Variants in DISP1 observed in about 807,000 individuals in gnomAD.
DISP1 encodes the protein dispatched RND transporter family member 1, also known as protein dispatched homolog 1.
A neutral mutation model predicts 37.3 loss-of-function variants in DISP1; 30 were observed. The ratio of observed to expected loss-of-function variants is 0.80; its 90% CI spans 0.60 to 1.09. DISP1 has a LOEUF of 1.09. Among genes scored for constraint, DISP1 ranks in the 50% least tolerant of loss-of-function variants. The pLI is 0.00. For missense variants in DISP1, 1,598 were observed against 1,879.5 expected, an observed-to-expected ratio of 0.85 and a Z score of 2.77; for synonymous variants, 634 against 690.2, an observed-to-expected ratio of 0.92 and a Z score of 1.28.
At chr1:222,949,486 C>T (rs571289322) in intron 3 of DISP1, among the ~76,000 whole-genome samples, 26 of 151,928 alleles carry the variant, frequency 1.7e-4, no homozygotes, top group Non-Finnish European at 3.4e-4. Flanking sequence ...TAGCTTAAAT[C>T]GATTTTATTT....
At chr1:222,920,422 T>C (rs953265350) in intron 1 of DISP1, among the ~76,000 whole-genome samples, 5 of 152,220 alleles carry the variant, frequency 3.3e-5, no homozygotes, top group African/African-American at 1.2e-4. Context: ...GCACAGATTA[T>C]ATATTTAGAT....
intron 3 of DISP1, among the ~76,000 whole-genome samples, chr1:222,953,892 G>T (rs1452940368): frequency 6.6e-6 from 1 of 152,042 alleles, no homozygotes; most frequent in Non-Finnish European, 1.5e-5. Flanking sequence ...AGAATATGAG[G>T]CTTGGTCATC....
chr1:222,905,670 G>A (rs531635080), intron 1 of DISP1, among the ~76,000 whole-genome samples: 15 of 152,164 alleles, frequency 9.9e-5, no homozygotes, highest in Admixed American at 2.6e-4. Context: ...GGACTCTTCT[G>A]TCAAGCTTTA....
At position 223,003,128 on chromosome 1, in the gene DISP1, G is replaced by A. The variant is rs768650561; in HGVS notation, c.1731G>A (p.Leu577=). 1.2e-6 allele frequency: 2 copies of A among 1,614,172 alleles called. No homozygotes were observed. Among genetic ancestry groups the A allele is most frequent in the Non-Finnish European group, 1.7e-6 (2 of 1,180,032 alleles). ...VGIGADDAFV[L]CDVWNYTKFD... ...TTGGAGCAGATGATGCTTTTGTCCTGTGTGATGTTTGGAACTACACAAAAT... is the reference window on the plus strand; with the variant it reads ...TTGGAGCAGATGATGCTTTTGTCCTATGTGATGTTTGGAACTACACAAAAT... Residue 577 remains leucine, a synonymous_variant, in exon 9 of 9, where the codon CTG becomes CTA. Coordinates refer to ENST00000675850, the MANE Select transcript of DISP1 (RefSeq NM_001377229.1). This position sits in a 1 kb window ranked among gnomAD's most constrained non-coding sequence, Gnocchi z 4.3.
At chr1:222,949,045 A>G (rs886324959) in intron 3 of DISP1, among the ~76,000 whole-genome samples, 14 of 152,174 alleles carry the variant, frequency 9.2e-5, no homozygotes, top group African/African-American at 3.1e-4. Context: ...AAGATTCATT[A>G]TATCAACCAT....
Position 223,002,923 on chromosome 1 carries a change from T to C in DISP1, c.1526T>C (p.Ile509Thr). Residue 509 changes from isoleucine (I) to threonine (T), a missense_variant, in exon 9 of 9, where the codon ATA (isoleucine) becomes ACA (threonine). Ile to Thr is a moderately conservative substitution (Grantham distance 89). Transcript: ENST00000675850. The part of the protein sequence containing the change: ...YLLMDTVYPA[I>T]AIVIVLLVMC... ...CTAATGGATACTGTGTATCCTGCCA[T>C]AGCCATTGTGATTGTCCTTTTAGTT... 6.2e-7 allele frequency: 1 copy of C among 1,614,024 alleles called. No individual in the cohort carries two copies. The highest frequency in any genetic ancestry group is 8.5e-7 in the Non-Finnish European group (1 of 1,180,032).
Position 222,943,137 on chromosome 1 carries a change from G to A in DISP1, c.314G>A (p.Gly105Asp). The change falls in exon 3 of 9, where the codon GGC becomes GAC. Residue 105 changes from glycine (G) to aspartate (D), a missense_variant. Gly to Asp is a moderately conservative substitution (Grantham distance 94). Transcript: ENST00000675850. ...SSHQECHPEAGPAAPSALASC... is the reference protein window; with the variant it reads ...SSHQECHPEADPAAPSALASC... ...CACCAAGAGTGCCATCCCGAGGCTG[G>A]CCCTGCAGCACCCTCTGCTTTGGCC... 6.2e-7 allele frequency: 1 copy of A among 1,613,464 alleles called. No individual in the cohort carries two copies.
At chr1:222,855,119 T>A (rs1477157924) in intron 1 of DISP1, among the ~76,000 whole-genome samples, 1 of 152,228 alleles carries the variant, frequency 6.6e-6, no homozygotes, top group Non-Finnish European at 1.5e-5. Context: ...CTTTTGCTTC[T>A]TTGTCATAGA....
At chr1:222,896,429 C>T (rs375638666) in intron 1 of DISP1, among the ~76,000 whole-genome samples, 4 of 151,962 alleles carry the variant, frequency 2.6e-5, no homozygotes, top group Admixed American at 6.6e-5. Context: ...GTTGAAGCCC[C>T]GTCTGTACTA....
intron 3 of DISP1, among the ~76,000 whole-genome samples, chr1:222,967,073 CTCACCATCTTCAAAATG>C (rs879750806): frequency 1.2e-4 from 19 of 152,194 alleles, no homozygotes; most frequent in Admixed American, 9.2e-4. Context: ...GAGTTGCCAC[CTCACCATCTTCAAAATG>C]TCACCATCTT....
At chr1:222,874,106 A>G (rs1002045538) in intron 1 of DISP1, among the ~76,000 whole-genome samples, 1 of 151,960 alleles carries the variant, frequency 6.6e-6, no homozygotes, top group Non-Finnish European at 1.5e-5. Flanking sequence ...TTGGCCCCAG[A>G]CTCTCTTTTG....
intron 1 of DISP1, among the ~76,000 whole-genome samples, chr1:222,925,071 A>G (rs1673008251): frequency 6.6e-6 from 1 of 152,186 alleles, no homozygotes; most frequent in Non-Finnish European, 1.5e-5. Context: ...TGAGAAACAT[A>G]TTGAAGTAAT....
chr1:222,824,484 T>C (rs1236101487), intron 1 of DISP1, among the ~76,000 whole-genome samples: 1 of 152,226 alleles, frequency 6.6e-6, no homozygotes, highest in African/African-American at 2.4e-5. Context: ...AATGATTTGG[T>C]GCTGATACTT....
chr1:222,884,646 A>G (rs1207006311), intron 1 of DISP1, among the ~76,000 whole-genome samples: 3 of 152,172 alleles, frequency 2.0e-5, no homozygotes, highest in South Asian at 4.1e-4. Flanking sequence ...TCAGGGGTAT[A>G]TGGTGTCCGT....
At chr1:222,852,499 G>A (rs1174435996) in intron 1 of DISP1, among the ~76,000 whole-genome samples, 1 of 152,032 alleles carries the variant, frequency 6.6e-6, no homozygotes, top group Non-Finnish European at 1.5e-5. Context: ...GAGCCACCGT[G>A]CCCGGCACCA....
Position 223,003,705 on chromosome 1 carries a change from A to G in DISP1, c.2308A>G (p.Lys770Glu), listed in dbSNP as rs1679658855. 3 of 1,614,172 alleles carry G rather than the reference A, an allele frequency of 1.9e-6. No individual in the cohort carries two copies. The highest frequency in any genetic ancestry group is 2.5e-6 in the Non-Finnish European group (3 of 1,180,036). Residue 770 changes from lysine (K) to glutamate (E), a missense_variant, in exon 9 of 9, where the codon AAG (lysine) becomes GAG (glutamate). Coordinates refer to ENST00000675850, the MANE Select transcript of DISP1 (RefSeq NM_001377229.1). This position sits in a 1 kb window ranked among gnomAD's most constrained non-coding sequence, Gnocchi z 4.3. ...PFERYDAEYK[K>E]LFMFERVHHG... is the part of the protein sequence containing the mutation. ...TGAGCGTTATGATGCTGAATACAAAAAGCTTTTCATGTTTGAACGTGTTCA... is the reference window on the plus strand; with the variant it reads ...TGAGCGTTATGATGCTGAATACAAAGAGCTTTTCATGTTTGAACGTGTTCA...
At chr1:222,889,107 A>G (rs1055814374) in intron 1 of DISP1, among the ~76,000 whole-genome samples, 1 of 152,068 alleles carries the variant, frequency 6.6e-6, no homozygotes, top group South Asian at 2.1e-4. Context: ...CTCTTTAAAA[A>G]CACACTTTAT....
At chr1:222,873,150 A>C (rs535767182) in intron 1 of DISP1, among the ~76,000 whole-genome samples, 1 of 151,986 alleles carries the variant, frequency 6.6e-6, no homozygotes, top group East Asian at 1.9e-4. Flanking sequence ...AGTTTGTTAT[A>C]ATTTCTGTTC....
chr1:222,885,381 A>C (rs978831079), intron 1 of DISP1, among the ~76,000 whole-genome samples: 1 of 151,682 alleles, frequency 6.6e-6, no homozygotes, highest in Non-Finnish European at 1.5e-5. Flanking sequence ...GAGCACTTCC[A>C]TACTTTGAAG....
Sources: gnomAD v4.1 joint callset for allele counts (sites outside exome capture counted in the v4.1 genomes callset) on GRCh38, gnomAD v4.1.1 for gene constraint, Gnocchi (gnomAD v3.1) non-coding constraint, MANE v1.5 for transcripts, NCBI Gene and HGNC (gene_info 2026-07-23, HGNC 2026-07-21) for gene names.